NRG1: variants seen among roughly 807,000 people sequenced by gnomAD.
NRG1 encodes the protein pro-neuregulin-1, membrane-bound isoform.
A neutral mutation model predicts 63.8 loss-of-function variants in NRG1; 18 were observed. That is an observed-to-expected ratio of 0.28 (90% CI 0.19 to 0.42). The LOEUF (loss-of-function observed/expected upper bound fraction) is 0.42. NRG1 is among the 10% of genes least tolerant of loss of function. NRG1 has a pLI of 1.00. For missense variants in NRG1, 762 were observed against 814.7 expected (o/e 0.94, Z 0.79); for synonymous variants, 302 against 301.3 (o/e 1.00, Z -0.02).
At chr8:31,826,992 T>C (rs554150417) in intron 1 of NRG1, among the ~76,000 whole-genome samples, 2 of 152,330 alleles carry the variant, frequency 1.3e-5, no homozygotes, top group African/African-American at 4.8e-5. Flanking sequence ...TTCATTGGGC[T>C]TTGGCAGGCA....
chr8:32,694,252 A>C (rs1409147069), intron 5 of NRG1, among the ~76,000 whole-genome samples: 1 of 152,232 alleles, frequency 6.6e-6, no homozygotes, highest in Non-Finnish European at 1.5e-5. Context: ...AATTATTATC[A>C]TAATTTAAAG....
In NRG1 at chr8:32,080,694, T is replaced by C. The variant is rs192161405; in HGVS notation, c.37+441263T>C. 6.9e-3 allele frequency among the ~76,000 whole-genome samples: 1,050 copies of C among 151,968 alleles called. 6 individuals carry two copies. The highest frequency in any genetic ancestry group is 0.011 in the Non-Finnish European group (735 of 67,966). ...CAGACTCAGCAGATAGGAACAGGCA[T>C]GCTAGGTGAGATATGGCAGGGAATA... is the stretch of plus-strand genomic sequence containing the variant. On this transcript the variant is annotated intron_variant, in intron 1 of 10. Transcript: ENST00000519301.
In NRG1 at chr8:31,863,583, C is replaced by A. The variant is rs116416087; in HGVS notation, c.37+224152C>A. Among the ~76,000 whole-genome samples, 904 of 152,284 alleles carry A rather than the reference C, an allele frequency of 5.9e-3. 11 individuals are homozygous for A. The highest frequency in any genetic ancestry group is 0.02 in the African/African-American group (813 of 41,558). ...TATTCAAGAATGGCAACTAAAAACA[C>A]CCATAGGTCCATCATATTGGATTAA... On this transcript the variant is annotated intron_variant, in intron 1 of 10. Coordinates refer to the NRG1 transcript ENST00000519301.
At position 32,293,538 on chromosome 8, in the gene NRG1, A is replaced by C. The variant is rs78522039; in HGVS notation, c.38-302290A>C. Among the ~76,000 whole-genome samples the C allele has an allele frequency of 6.6e-3, 1,003 of 152,286 alleles. 18 individuals are homozygous for C. The highest frequency in any genetic ancestry group is 0.023 in the African/African-American group (951 of 41,548). On this transcript the variant is annotated intron_variant, in intron 1 of 10. Transcript: ENST00000519301. ...GTTTGTAGCCATTTAGCAGCCACAG[A>C]ATACTAATATGGACAATGATTTCTG...
At chr8:31,902,318 C>T (rs765570626) in intron 1 of NRG1, among the ~76,000 whole-genome samples, 10 of 152,006 alleles carry the variant, frequency 6.6e-5, no homozygotes, top group South Asian at 2.1e-4. Context: ...GAGGGTCTTT[C>T]CAGGAATGAG....
chr8:31,987,847 T>A (rs564236366), intron 1 of NRG1, among the ~76,000 whole-genome samples: 6 of 152,192 alleles, frequency 3.9e-5, no homozygotes, highest in African/African-American at 1.4e-4. Flanking sequence ...ACCAAAATAA[T>A]TAGAGAGTGG....
intron 1 of NRG1, among the ~76,000 whole-genome samples, chr8:32,574,799 T>G (rs1245189964): frequency 6.6e-6 from 1 of 152,222 alleles, no homozygotes; most frequent in East Asian, 1.9e-4. Context: ...CTCAGTTATT[T>G]TTTACAGCAA....
chr8:32,732,461 A>G (rs952741514), intron 6 of NRG1, among the ~76,000 whole-genome samples: 4 of 152,162 alleles, frequency 2.6e-5, no homozygotes, highest in East Asian at 1.9e-4. Context: ...GGCTGTGCTT[A>G]TAAGTCCAAC....
At chr8:32,298,611 G>T (rs1037102152) in intron 1 of NRG1, among the ~76,000 whole-genome samples, 1 of 151,738 alleles carries the variant, frequency 6.6e-6, no homozygotes, top group Non-Finnish European at 1.5e-5. Flanking sequence ...CTACTCGAAA[G>T]GCTGAGGCAG....
intron 6 of NRG1, among the ~76,000 whole-genome samples, chr8:32,729,191 C>T (rs1823024136): frequency 6.6e-6 from 1 of 152,122 alleles, no homozygotes; most frequent in Admixed American, 6.5e-5. Context: ...ACTAATAGGA[C>T]TCATTAAAAA....
At chr8:32,459,325 TCA>T (rs542441234) in intron 1 of NRG1, among the ~76,000 whole-genome samples, 18 of 152,210 alleles carry the variant, frequency 1.2e-4, no homozygotes, top group Non-Finnish European at 2.6e-4. Flanking sequence ...TGGAATCCTT[TCA>T]GTTTTTCCTA....
At chr8:32,447,610 T>G (rs992465882) in intron 1 of NRG1, among the ~76,000 whole-genome samples, 2 of 152,146 alleles carry the variant, frequency 1.3e-5, no homozygotes, top group Non-Finnish European at 2.9e-5. Flanking sequence ...GGCTCCCACC[T>G]CTAATCCCAG....
chr8:32,728,552 C>T (rs1822840013), intron 6 of NRG1: 1 of 985,068 alleles, frequency 1.0e-6, no homozygotes, highest in Non-Finnish European at 1.2e-6. Context: ...ATATCTATTA[C>T]ACTTGGGATT....
At chr8:32,394,679 C>T (rs752322164) in intron 1 of NRG1, among the ~76,000 whole-genome samples, 27 of 152,168 alleles carry the variant, frequency 1.8e-4, no homozygotes, top group Admixed American at 6.6e-4. Flanking sequence ...CACAACTGGA[C>T]ATTTTTGAAC....
Position 32,225,512 on chromosome 8 carries a change from G to A in NRG1, c.38-370316G>A, listed in dbSNP as rs149097888. Among the ~76,000 whole-genome samples, 1,329 of 152,138 alleles carry A rather than the reference G, an allele frequency of 8.7e-3. 28 individuals are homozygous for A. Among genetic ancestry groups the A allele is most frequent in the African/African-American group, 0.03 (1,264 of 41,508 alleles). On this transcript the variant is annotated intron_variant, in intron 1 of 10. Coordinates refer to the NRG1 transcript ENST00000519301. ...TAGTTTTTTTCTTTCTACATTCTTGGGGAAGACCAGGGGCTTAGGAATGGA... is the reference window on the plus strand; with the variant it reads ...TAGTTTTTTTCTTTCTACATTCTTGAGGAAGACCAGGGGCTTAGGAATGGA...
intron 1 of NRG1, among the ~76,000 whole-genome samples, chr8:32,341,826 A>G (rs922018388): frequency 4.6e-5 from 7 of 152,242 alleles, no homozygotes; most frequent in African/African-American, 1.2e-4. Flanking sequence ...TGAAGAAATA[A>G]TTACAAAATA....
At chr8:32,257,477 G>T (rs1322250198) in intron 1 of NRG1, among the ~76,000 whole-genome samples, 2 of 152,168 alleles carry the variant, frequency 1.3e-5, no homozygotes, top group Non-Finnish European at 2.9e-5. Flanking sequence ...ATGTGTTCAT[G>T]TACACAGTTC....
chr8:32,315,365 C>T (rs574196708), intron 1 of NRG1, among the ~76,000 whole-genome samples: 1 of 152,280 alleles, frequency 6.6e-6, no homozygotes, highest in African/African-American at 2.4e-5. Flanking sequence ...TGTTAGTTTG[C>T]TGAGGATGGT....
At chr8:32,664,884 G>A (rs372635560) in intron 5 of NRG1, among the ~76,000 whole-genome samples, 1 of 152,220 alleles carries the variant, frequency 6.6e-6, no homozygotes, top group Non-Finnish European at 1.5e-5. Flanking sequence ...AAGTCTTTAT[G>A]TATTTATTAA....
Sources: gnomAD v4.1 joint callset for allele counts (sites outside exome capture counted in the v4.1 genomes callset) on GRCh38, gnomAD v4.1.1 for gene constraint, MANE v1.5 for transcripts, NCBI Gene and HGNC (gene_info 2026-07-23, HGNC 2026-07-21) for gene names.